Variants in PCDH15 observed in about 807,000 individuals in gnomAD.
The protein encoded by PCDH15 is protocadherin-15.
A neutral mutation model predicts 178.5 loss-of-function variants in PCDH15; 129 were observed. The ratio of observed to expected loss-of-function variants is 0.72; its 90% CI spans 0.63 to 0.84. PCDH15 has a LOEUF of 0.84. PCDH15 is among the 40% of genes least tolerant of loss of function. PCDH15 has a pLI of 0.00. For synonymous variants in PCDH15, 800 were observed against 732.0 expected (o/e 1.09, Z -1.50); for missense variants, 2,230 against 2,099.9 (o/e 1.06, Z -1.21).
At chr10:54,247,554 T>C (rs1027634659) in intron 8 of PCDH15, among the ~76,000 whole-genome samples, 4 of 152,010 alleles carry the variant, frequency 2.6e-5, no homozygotes, top group African/African-American at 9.7e-5. Flanking sequence ...CCTAAATTGC[T>C]GCATTTAACT....
chr10:55,036,758 A>G (rs146920002), intron 2 of PCDH15, among the ~76,000 whole-genome samples: 1 of 152,206 alleles, frequency 6.6e-6, no homozygotes, highest in African/African-American at 2.4e-5. Flanking sequence ...AACATATCGT[A>G]TATTTATCTA....
intron 1 of PCDH15, among the ~76,000 whole-genome samples, chr10:54,735,561 G>A (rs552486860): frequency 9.1e-4 from 132 of 145,264 alleles, no homozygotes; most frequent in African/African-American, 3.0e-3. Flanking sequence ...AAAGACACAC[G>A]CACACGTATG....
At chr10:55,601,929 C>G (rs547237765) in intron 2 of PCDH15, among the ~76,000 whole-genome samples, 1 of 152,094 alleles carries the variant, frequency 6.6e-6, no homozygotes, top group African/African-American at 2.4e-5. Flanking sequence ...CAGCTCCCAG[C>G]GTGAGCGACG....
chr10:54,187,189 T>C (rs1047396837), intron 11 of PCDH15, among the ~76,000 whole-genome samples: 2 of 151,962 alleles, frequency 1.3e-5, no homozygotes, highest in Admixed American at 6.6e-5. Flanking sequence ...ACCAAATATT[T>C]ACTTTGTTCC....
chr10:55,243,941 C>T (rs1011127442), intron 1 of PCDH15, among the ~76,000 whole-genome samples: 1 of 151,960 alleles, frequency 6.6e-6, no homozygotes, highest in African/African-American at 2.4e-5. Flanking sequence ...AATGTAAATT[C>T]GGGTTATAAG....
intron 2 of PCDH15, among the ~76,000 whole-genome samples, chr10:55,404,495 A>G (rs1379066283): frequency 6.6e-6 from 1 of 151,918 alleles, no homozygotes; most frequent in Admixed American, 6.6e-5. Flanking sequence ...TTTTTTTCTT[A>G]CAGTTTTATA....
rs567744897 is a variant in PCDH15, at chr10:55,024,771, T to A, written c.-79-127271A>T. On this transcript the variant is annotated intron_variant, in intron 2 of 5. Transcript: ENST00000458638. ...CATCAGCTCTACCTTTATACACTCATGAGTGTGATCCCCTCCTGCCATTCC... is the reference window on the plus strand; with the variant it reads ...CATCAGCTCTACCTTTATACACTCAAGAGTGTGATCCCCTCCTGCCATTCC... Among the ~76,000 whole-genome samples the A allele has an allele frequency of 9.2e-5, 14 of 152,280 alleles. No individual in the cohort carries two copies. In the East Asian group the frequency reaches 2.7e-3, roughly 29 times the overall value.
chr10:53,971,820 T>G (rs1367675923), intron 21 of PCDH15, among the ~76,000 whole-genome samples: 1 of 152,162 alleles, frequency 6.6e-6, no homozygotes. Context: ...CATTCCATGC[T>G]CATGGATACG....
At chr10:54,836,190 A>C (rs1189585191) in intron 3 of PCDH15, among the ~76,000 whole-genome samples, 2 of 152,192 alleles carry the variant, frequency 1.3e-5, no homozygotes, top group African/African-American at 4.8e-5. Flanking sequence ...GGATGATTAA[A>C]AAATTAGAAT....
chr10:54,318,757 T>C (rs1258219137), intron 7 of PCDH15, among the ~76,000 whole-genome samples: 1 of 152,208 alleles, frequency 6.6e-6, no homozygotes, highest in Non-Finnish European at 1.5e-5. Flanking sequence ...ACTGCGGTTA[T>C]GTGATGTATG....
chr10:54,984,322 A>G (rs1217184080), intron 2 of PCDH15, among the ~76,000 whole-genome samples: 1 of 152,144 alleles, frequency 6.6e-6, no homozygotes, highest in Non-Finnish European at 1.5e-5. Context: ...TCATAACGGT[A>G]ACTTACAGTA....
chr10:54,408,811 G>A (rs1953052180), intron 3 of PCDH15, among the ~76,000 whole-genome samples: 1 of 152,128 alleles, frequency 6.6e-6, no homozygotes, highest in South Asian at 2.1e-4. Context: ...GAAGTGCTGT[G>A]GTTCTGGTGT....
chr10:54,614,652 G>A (rs901482236), intron 2 of PCDH15, among the ~76,000 whole-genome samples: 3 of 151,826 alleles, frequency 2.0e-5, no homozygotes, highest in Non-Finnish European at 4.4e-5. Context: ...CTACAAATAA[G>A]CTTCTGGTCA....
At chr10:54,298,104 A>G (rs2059912742) in intron 8 of PCDH15, among the ~76,000 whole-genome samples, 1 of 152,178 alleles carries the variant, frequency 6.6e-6, no homozygotes, top group African/African-American at 2.4e-5. Flanking sequence ...GAAAAAGCCC[A>G]TGAATTATTC....
At chr10:54,616,673 A>G (rs1352026593) in intron 2 of PCDH15, among the ~76,000 whole-genome samples, 2 of 152,112 alleles carry the variant, frequency 1.3e-5, no homozygotes, top group African/African-American at 2.4e-5. Context: ...ACAGCCACCA[A>G]AGACACTTGT....
intron 2 of PCDH15, among the ~76,000 whole-genome samples, chr10:55,586,783 C>T (rs532519980): frequency 6.6e-6 from 1 of 152,114 alleles, no homozygotes; most frequent in East Asian, 1.9e-4. Context: ...TATTTTTGCT[C>T]TTATGACAAG....
At chr10:55,132,704 A>G (rs1838087194) in intron 2 of PCDH15, among the ~76,000 whole-genome samples, 1 of 152,216 alleles carries the variant, frequency 6.6e-6, no homozygotes, top group Non-Finnish European at 1.5e-5. Context: ...ATATATAAAA[A>G]TACATCCATT....
At chr10:54,161,145 C>T (rs927955943) in intron 13 of PCDH15, among the ~76,000 whole-genome samples, 2 of 152,014 alleles carry the variant, frequency 1.3e-5, no homozygotes, top group Admixed American at 1.3e-4. Flanking sequence ...AACTGAAATG[C>T]CCATCAACTG....
At chr10:55,079,046 A>G (rs2132023377) in intron 2 of PCDH15, among the ~76,000 whole-genome samples, 1 of 151,942 alleles carries the variant, frequency 6.6e-6, no homozygotes, top group Admixed American at 6.6e-5. Flanking sequence ...CTTGTATCTC[A>G]CTGAGCTTCT....
Sources: gnomAD v4.1 joint callset for allele counts (sites outside exome capture counted in the v4.1 genomes callset) on GRCh38, gnomAD v4.1.1 for gene constraint, MANE v1.5 for transcripts, NCBI Gene and HGNC (gene_info 2026-07-23, HGNC 2026-07-21) for gene names.